The following ROBO2 variants were observed in gnomAD, a reference collection of about 807,000 sequenced individuals.
The protein encoded by ROBO2 is roundabout guidance receptor 2, also known as roundabout homolog 2.
A neutral mutation model predicts 160.8 loss-of-function variants in ROBO2; 53 were observed. That is an observed-to-expected ratio of 0.33 (90% CI 0.26 to 0.41). The LOEUF (loss-of-function observed/expected upper bound fraction) is 0.41. Ranked by LOEUF, ROBO2 falls within the 10% of genes least tolerant of loss-of-function variation. The pLI is 1.00. For synonymous variants in ROBO2, 664 were observed against 611.7 expected (o/e 1.09, Z -1.26); for missense variants, 1,577 against 1,722.4 (o/e 0.92, Z 1.49).
intron 2 of ROBO2, among the ~76,000 whole-genome samples, chr3:76,973,070 G>T (rs2059646937): frequency 6.6e-6 from 1 of 152,270 alleles, no homozygotes; most frequent in Non-Finnish European, 1.5e-5. Flanking sequence ...TCCAGCTAAA[G>T]AACCTCGGCC....
At chr3:77,245,243 G>T (rs2089588406) in intron 2 of ROBO2, among the ~76,000 whole-genome samples, 1 of 152,110 alleles carries the variant, frequency 6.6e-6, no homozygotes, top group Admixed American at 6.5e-5. Flanking sequence ...TGAGTGACAT[G>T]GAGCCAATTT....
intron 2 of ROBO2, among the ~76,000 whole-genome samples, chr3:77,169,819 G>T (rs1273564819): frequency 6.6e-6 from 1 of 152,078 alleles, no homozygotes; most frequent in Non-Finnish European, 1.5e-5. Context: ...TAGGGTTGGG[G>T]ATTACAATAG....
chr3:77,439,493 GA>G (rs2079681341), intron 2 of ROBO2, among the ~76,000 whole-genome samples: 2 of 151,854 alleles, frequency 1.3e-5, no homozygotes, highest in Non-Finnish European at 2.9e-5. Flanking sequence ...TTCTGAAAAA[GA>G]TGGACTGCAT....
chr3:76,319,763 G>A (rs1383268056), intron 2 of ROBO2, among the ~76,000 whole-genome samples: 1 of 150,846 alleles, frequency 6.6e-6, no homozygotes, highest in Non-Finnish European at 1.5e-5. Flanking sequence ...TTTTTTTAAT[G>A]AGAGAATGGC....
At position 77,138,316 on chromosome 3, in the gene ROBO2, T is replaced by A. The variant is rs140485634; in HGVS notation, c.388+39976T>A. On this transcript the variant is annotated intron_variant, in intron 2 of 25. Transcript: ENST00000461745. ...TAATTACTCATATTATCAATGAGAG[T>A]ACAATGTAGCATAATTTCCACCACA... Among the ~76,000 whole-genome samples, 5 of 152,338 alleles carry A rather than the reference T, an allele frequency of 3.3e-5. No homozygotes were observed. The East Asian group carries it at 9.6e-4, about 29-fold the overall frequency.
intron 2 of ROBO2, among the ~76,000 whole-genome samples, chr3:77,289,210 G>C (rs1365880779): frequency 1.3e-5 from 2 of 152,156 alleles, no homozygotes; most frequent in Non-Finnish European, 2.9e-5. Context: ...CTCTGAGATT[G>C]TTAATAGCAG....
chr3:77,524,074 G>A (rs1484436896), intron 6 of ROBO2, among the ~76,000 whole-genome samples: 1 of 151,136 alleles, frequency 6.6e-6, no homozygotes, highest in Non-Finnish European at 1.5e-5. Flanking sequence ...GTTATTATTA[G>A]GAGACAGGCA....
At chr3:76,324,446 G>T (rs1422883682) in intron 2 of ROBO2, among the ~76,000 whole-genome samples, 1 of 152,192 alleles carries the variant, frequency 6.6e-6, no homozygotes, top group African/African-American at 2.4e-5. Flanking sequence ...CACTGTAAAT[G>T]AATATGTTTG....
chr3:76,114,061 C>A (rs1181687558), intron 2 of ROBO2, among the ~76,000 whole-genome samples: 2 of 152,168 alleles, frequency 1.3e-5, no homozygotes, highest in East Asian at 3.9e-4. Context: ...GAACCATGAA[C>A]AAAATAAAGC....
intron 23 of ROBO2, chr3:77,632,617 G>A: frequency 1.3e-6 from 2 of 1,535,706 alleles, no homozygotes; most frequent in Non-Finnish European, 1.7e-6. Flanking sequence ...AGCAGATAAA[G>A]CTGGTTTTAG....
chr3:77,580,750 T>C (rs1401498867), intron 16 of ROBO2, among the ~76,000 whole-genome samples: 2 of 152,180 alleles, frequency 1.3e-5, no homozygotes, highest in African/African-American at 4.8e-5. Context: ...TATGTTTTAC[T>C]GCTGAGCAGT....
At position 77,588,938 on chromosome 3, in the gene ROBO2, G is replaced by A. The variant is rs1286738793; in HGVS notation, c.2683+5G>A. On this transcript the variant is annotated splice_donor_5th_base_variant and intron_variant, in intron 17 of 25. Coordinates refer to ENST00000461745, the Ensembl canonical transcript of ROBO2. ...AGGGACTCAGTAATTATGCTGGTAA[G>A]TGACTATTTCCAGCTAAGAAAATCT... 2 of 1,612,782 alleles carry A rather than the reference G, an allele frequency of 1.2e-6. No individual in the cohort carries two copies. The highest frequency in any genetic ancestry group is 3.3e-5 in the Admixed American group (2 of 59,964).
At chr3:77,030,441 T>C (rs1331140884) in intron 2 of ROBO2, among the ~76,000 whole-genome samples, 1 of 152,254 alleles carries the variant, frequency 6.6e-6, no homozygotes, top group Non-Finnish European at 1.5e-5. Flanking sequence ...TTCACTTGGC[T>C]TTTGGTATGT....
intron 17 of ROBO2, among the ~76,000 whole-genome samples, chr3:77,590,629 G>A (rs181737268): frequency 1.3e-5 from 2 of 152,160 alleles, no homozygotes; most frequent in Non-Finnish European, 2.9e-5. Context: ...ATAAAAAATT[G>A]ACTGTGCTGG....
At chr3:76,917,102 C>T (rs944264243) in intron 2 of ROBO2, among the ~76,000 whole-genome samples, 1 of 152,150 alleles carries the variant, frequency 6.6e-6, no homozygotes, top group Non-Finnish European at 1.5e-5. Flanking sequence ...AGGCTGGGCT[C>T]ATGGACAGGG....
intron 2 of ROBO2, among the ~76,000 whole-genome samples, chr3:77,234,304 C>G (rs2151305906): frequency 6.6e-6 from 1 of 152,244 alleles, no homozygotes; most frequent in South Asian, 2.1e-4. Flanking sequence ...ATCTCAAGAA[C>G]CCCTAGGGTT....
chr3:76,635,302 A>G (rs1238134305), intron 2 of ROBO2, among the ~76,000 whole-genome samples: 1 of 152,242 alleles, frequency 6.6e-6, no homozygotes, highest in Admixed American at 6.5e-5. Flanking sequence ...ATGTACATAC[A>G]CATAGATAAG....
At position 77,503,560 on chromosome 3, in the gene ROBO2, T is replaced by TAAAA. The variant is rs1553992009; in HGVS notation, c.806+10179_806+10182dup. ...ATAAATAAATAAATAAATAAATAAA[T>TAAAA]AAAATAATAATAAGGCTATTTGGAG... On this transcript the variant is annotated intron_variant, in intron 5 of 25. Coordinates refer to ENST00000461745, the Ensembl canonical transcript of ROBO2. Among the ~76,000 whole-genome samples, 8 of 149,366 alleles carry TAAAA rather than the reference T, an allele frequency of 5.4e-5. No homozygotes were observed. In the South Asian group the frequency reaches 1.3e-3, roughly 23 times the overall value.
intron 23 of ROBO2, chr3:77,631,278 A>G (rs2095156981): frequency 6.6e-6 from 1 of 152,098 alleles, no homozygotes; most frequent in African/African-American, 2.4e-5. Flanking sequence ...AAGTGCATGA[A>G]TCCGTGTCAT....
Sources: allele counts gnomAD v4.1 joint callset (sites outside exome capture counted in the v4.1 genomes callset), GRCh38; gene constraint gnomAD v4.1.1; transcripts MANE v1.5; gene names NCBI Gene and HGNC (gene_info 2026-07-23, HGNC 2026-07-21).